ANKRD10: variants seen among roughly 807,000 people sequenced by gnomAD.
ANKRD10 encodes ankyrin repeat domain-containing protein 10.
Under a neutral mutation model 27.0 loss-of-function variants are expected in ANKRD10, and 14 were observed. The observed-to-expected ratio is 0.52, with a 90% CI of 0.34 to 0.81. The LOEUF (loss-of-function observed/expected upper bound fraction) is 0.81. Ranked by LOEUF, ANKRD10 falls within the 40% of genes least tolerant of loss-of-function variation. The probability of loss-of-function intolerance (pLI) is 0.01; values close to 1 mark genes in which losing one functional copy is unlikely to be tolerated. For synonymous variants in ANKRD10, 250 were observed against 224.5 expected (o/e 1.11, Z -1.01); for missense variants, 493 against 544.0 (o/e 0.91, Z 0.93).
chr13:110,908,004 G>A (rs147596608), intron 2 of ANKRD10, among the ~76,000 whole-genome samples: 2 of 152,246 alleles, frequency 1.3e-5, no homozygotes, highest in African/African-American at 2.4e-5. Flanking sequence ...ACAATCTTTA[G>A]GGGCAGAGCA....
At chr13:110,906,470 C>G (rs1214585932) in intron 2 of ANKRD10, among the ~76,000 whole-genome samples, 1 of 151,888 alleles carries the variant, frequency 6.6e-6, no homozygotes, top group Non-Finnish European at 1.5e-5. Flanking sequence ...GCCAACCAAC[C>G]AACCACACAC....
At chr13:110,901,176 G>T (rs1034641400) in intron 3 of ANKRD10, among the ~76,000 whole-genome samples, 1 of 151,716 alleles carries the variant, frequency 6.6e-6, no homozygotes, top group Non-Finnish European at 1.5e-5. Context: ...AAACATCTAA[G>T]ATATCTTCAG....
At chr13:110,884,265 C>T (rs2064874513) in intron 4 of ANKRD10, among the ~76,000 whole-genome samples, 1 of 152,144 alleles carries the variant, frequency 6.6e-6, no homozygotes, top group Non-Finnish European at 1.5e-5. Flanking sequence ...TCTGTCAGCA[C>T]TGTCCCAGAG....
chr13:110,893,142 T>A lies in ANKRD10; in HGVS notation c.577A>T (p.Ile193Phe). The A allele has an allele frequency of 6.2e-7, 1 of 1,614,206 alleles. No homozygotes were observed. Among genetic ancestry groups the A allele is most frequent in the African/African-American group, 1.3e-5 (1 of 75,052 alleles). ...CHLNHFYNNG[I>F]LNGGHQNVFP... The stretch of plus-strand genomic sequence containing the variant: ...ACATTCTGATGACCCCCATTTAAGA[T>A]GCCATTGTTATAGAAATGGTTCAGA... The change falls in exon 4 of 6, where the codon ATC becomes TTC. Residue 193 changes from isoleucine (I) to phenylalanine (F), a missense_variant. By Grantham distance (21) the Ile-to-Phe change is conservative (BLOSUM62 0). Transcript: ENST00000267339.
intron 3 of ANKRD10, among the ~76,000 whole-genome samples, chr13:110,905,628 G>C (rs2065509879): frequency 6.6e-6 from 1 of 152,230 alleles, no homozygotes; most frequent in Admixed American, 6.5e-5. Context: ...TTCTGAGCCA[G>C]AGAGGTCTGA....
At chr13:110,880,603 C>G (rs1479736006) in intron 5 of ANKRD10, among the ~76,000 whole-genome samples, 2 of 152,166 alleles carry the variant, frequency 1.3e-5, no homozygotes, top group African/African-American at 4.8e-5. Flanking sequence ...GCTCTTTGAA[C>G]TATGTATGAC....
Position 110,910,901 on chromosome 13 carries a change from C to T in ANKRD10, c.211-131G>A, listed in dbSNP as rs573286734. ...CAGTTTTTTAACAGATTAAGTCACT[C>T]TTTCCCAATGCCATGCAAATTTTAA... On this transcript the variant is annotated intron_variant, in intron 1 of 5. Transcript: ENST00000267339. 18 of 940,604 alleles carry T rather than the reference C, an allele frequency of 1.9e-5. No homozygotes were observed. In the South Asian group the frequency reaches 2.9e-4, roughly 15 times the overall value. 58.3% of individuals were successfully genotyped at this position (940,604 alleles called of 1,614,324 possible). A position where few individuals can be genotyped will look rare whatever the true frequency, so the allele number is the denominator to read the frequency against.
intron 1 of ANKRD10, among the ~76,000 whole-genome samples, chr13:110,914,197 G>A (rs1157414469): frequency 6.6e-6 from 1 of 152,140 alleles, no homozygotes; most frequent in Non-Finnish European, 1.5e-5. Flanking sequence ...TCCGCAGCGC[G>A]GCCCTCGGCT....
Position 110,879,508 on chromosome 13 carries a change from C to T in ANKRD10, c.*129G>A. 1.3e-6 allele frequency: 1 copy of T among 741,882 alleles called. No homozygotes were observed. The highest frequency in any genetic ancestry group is 2.2e-6 in the Non-Finnish European group (1 of 459,170). 46.0% of individuals were successfully genotyped at this position (741,882 alleles called of 1,614,324 possible). The stretch of plus-strand genomic sequence containing the variant: ...GTTGCTGGGAACTTGTCGAAGTTTA[C>T]TTTTTCAGAAAGTTGAAGTATATAA... On this transcript the variant is annotated 3_prime_UTR_variant, in exon 6 of 6. Transcript: ENST00000267339.
chr13:110,904,355 A>T (rs542778997), intron 3 of ANKRD10: 2 of 152,202 alleles, frequency 1.3e-5, no homozygotes, highest in Non-Finnish European at 2.9e-5. Context: ...GTAACCAAGG[A>T]CAGAATTGTA....
chr13:110,907,618 G>A (rs1279283715), intron 2 of ANKRD10, among the ~76,000 whole-genome samples: 1 of 152,162 alleles, frequency 6.6e-6, no homozygotes, highest in Non-Finnish European at 1.5e-5. Flanking sequence ...AAGGTCTAAA[G>A]AGACTATAAA....
chr13:110,892,676 T>TAAAAAA, intron 4 of ANKRD10: 1 of 735,214 alleles, frequency 1.4e-6, no homozygotes, highest in Non-Finnish European at 1.7e-6. Flanking sequence ...AGAAGCAAAT[T>TAAAAAA]AAAAAAAAAA....
chr13:110,881,595 G>A (rs1400818467), intron 5 of ANKRD10, among the ~76,000 whole-genome samples: 1 of 152,074 alleles, frequency 6.6e-6, no homozygotes, highest in Non-Finnish European at 1.5e-5. Context: ...GAAAACAAGT[G>A]TTTCAATAGA....
Position 110,914,757 on chromosome 13 carries a change from T to C in ANKRD10, c.178A>G (p.Thr60Ala). 6.3e-7 allele frequency: 1 copy of C among 1,596,556 alleles called. No individual in the cohort carries two copies. Among genetic ancestry groups the C allele is most frequent in the Non-Finnish European group, 8.5e-7 (1 of 1,172,444 alleles). Reference sequence around the variant, plus strand: ...AAATGCGCGGCCCAGTGCACGGGCGTCCAGCCATAGAAGGAGTCCTCAGAG... The same window carrying C: ...AAATGCGCGGCCCAGTGCACGGGCGCCCAGCCATAGAAGGAGTCCTCAGAG... Reference protein sequence around the residue: ...LASEDSFYGWTPVHWAAHFGK... With the variant: ...LASEDSFYGWAPVHWAAHFGK... Residue 60 changes from threonine to alanine, a missense_variant, in exon 1 of 6, where the codon ACG (threonine) becomes GCG (alanine). Physicochemically the swap from Thr to Ala is moderately conservative, Grantham distance 58. Coordinates refer to ENST00000267339, the MANE Select transcript of ANKRD10 (RefSeq NM_017664.4).
At chr13:110,888,072 G>T (rs2064980341) in intron 4 of ANKRD10, among the ~76,000 whole-genome samples, 1 of 152,092 alleles carries the variant, frequency 6.6e-6, no homozygotes, top group South Asian at 2.1e-4. Context: ...GACCCGCCAG[G>T]GCCCAGATTC....
intron 3 of ANKRD10, among the ~76,000 whole-genome samples, chr13:110,900,058 A>C (rs2065342446): frequency 6.9e-6 from 1 of 144,356 alleles, no homozygotes; most frequent in African/African-American, 2.8e-5. Flanking sequence ...CAAACACTCA[A>C]ATTTATATCT....
rs2064771637 is a variant in ANKRD10 at position 110,879,583 on chromosome 13, C to T, written c.*54G>A. ...TTCAAGTTGCTGCTACATGGGTATT[C>T]TGAGCTGGCTACCAGGAAGGACTCC... On this transcript the variant is annotated 3_prime_UTR_variant, in exon 6 of 6. Transcript: ENST00000267339. 1 of 1,407,566 alleles carries T rather than the reference C, an allele frequency of 7.1e-7. No individual in the cohort carries two copies. Among genetic ancestry groups the T allele is most frequent in the African/African-American group, 1.4e-5 (1 of 70,722 alleles). 87.2% of individuals were successfully genotyped at this position (1,407,566 alleles called of 1,614,324 possible).
At position 110,879,725 on chromosome 13, in the gene ANKRD10, C is replaced by T. The variant is rs577549200; in HGVS notation, c.1175G>A (p.Ser392Asn). The T allele has an allele frequency of 6.2e-7, 1 of 1,614,228 alleles. No homozygotes were observed. Among genetic ancestry groups the T allele is most frequent in the Non-Finnish European group, 8.5e-7 (1 of 1,180,048 alleles). ...CACGGACTTGGAATGCTCGACCACA[C>T]TGTTCAGTTCTGGGATGCTTTCAGC... ...DTAESIPELN[S>N]VVEHSKSVKV... The change falls in exon 6 of 6, where the codon AGT (serine) becomes AAT (asparagine). Residue 392 changes from serine to asparagine, a missense_variant. Physicochemically the swap from Ser to Asn is conservative, Grantham distance 46. Transcript: ENST00000267339.
At chr13:110,894,335 G>A (rs1226942747) in intron 3 of ANKRD10, 2 of 448,682 alleles carry the variant, frequency 4.5e-6, no homozygotes, top group Non-Finnish European at 8.1e-6. Context: ...TGAAATCAAG[G>A]CCTTGTGCTG....
Sources: allele counts gnomAD v4.1 joint callset (sites outside exome capture counted in the v4.1 genomes callset), GRCh38; gene constraint gnomAD v4.1.1; transcripts MANE v1.5; gene names NCBI Gene and HGNC (gene_info 2026-07-23, HGNC 2026-07-21).